ASTN2: variants seen among roughly 807,000 people sequenced by gnomAD.
ASTN2 encodes the protein astrotactin 2.
ASTN2 carries 54 observed loss-of-function variants against 139.8 expected under a neutral mutation model. That is an observed-to-expected ratio of 0.39 (90% CI 0.31 to 0.48). ASTN2 has a LOEUF of 0.48. ASTN2 is among the 20% of genes least tolerant of loss of function. The pLI, the probability that ASTN2 is intolerant of heterozygous loss-of-function variation, is 0.95. For missense variants in ASTN2, 1,565 were observed against 1,725.1 expected, an observed-to-expected ratio of 0.91 and a Z score of 1.64; for synonymous variants, 756 against 719.5, an observed-to-expected ratio of 1.05 and a Z score of -0.81.
At chr9:117,149,644 T>C (rs1438487252) in intron 3 of ASTN2, among the ~76,000 whole-genome samples, 1 of 152,158 alleles carries the variant, frequency 6.6e-6, no homozygotes, top group East Asian at 1.9e-4. Context: ...CCATCCAATT[T>C]GGAAATTGTG....
At chr9:116,679,436 G>C (rs1475934677) in intron 16 of ASTN2, among the ~76,000 whole-genome samples, 1 of 152,004 alleles carries the variant, frequency 6.6e-6, no homozygotes, top group African/African-American at 2.4e-5. Flanking sequence ...TGTTACTGGC[G>C]TATGTTCCGA....
intron 16 of ASTN2, among the ~76,000 whole-genome samples, chr9:116,664,535 G>A (rs1858749991): frequency 1.3e-5 from 2 of 150,850 alleles, no homozygotes; most frequent in South Asian, 4.2e-4. Flanking sequence ...AGAAAACAAG[G>A]TCCAGGGATA....
chr9:116,869,942 AT>A (rs11291817), intron 10 of ASTN2, among the ~76,000 whole-genome samples: 66,209 of 142,356 alleles, frequency 0.47, 15,403 homozygotes, highest in African/African-American at 0.52. Flanking sequence ...CATTTCTATA[AT>A]TTTTTTTTTT....
At chr9:117,047,311 A>C (rs1246141026) in intron 5 of ASTN2, among the ~76,000 whole-genome samples, 8 of 152,182 alleles carry the variant, frequency 5.3e-5, no homozygotes. Flanking sequence ...AATATGGGAC[A>C]TATTTTCCTT....
At chr9:116,599,464 C>T (rs981305276) in intron 19 of ASTN2, among the ~76,000 whole-genome samples, 3 of 152,232 alleles carry the variant, frequency 2.0e-5, no homozygotes, top group Admixed American at 6.5e-5. Context: ...ATGCCCCAGG[C>T]ATCTTACAGA....
chr9:116,765,935 T>G (rs1157490691), intron 13 of ASTN2, among the ~76,000 whole-genome samples: 1 of 152,198 alleles, frequency 6.6e-6, no homozygotes, highest in African/African-American at 2.4e-5. Flanking sequence ...CATATGCTAA[T>G]TTTATTGGGG....
At chr9:117,115,022 C>T (rs1829343207) in intron 4 of ASTN2, among the ~76,000 whole-genome samples, 1 of 152,096 alleles carries the variant, frequency 6.6e-6, no homozygotes, top group African/African-American at 2.4e-5. Flanking sequence ...TATGAGACAC[C>T]CCGAAGCAAG....
At chr9:116,438,531 A>G (rs1319972407) in intron 22 of ASTN2, among the ~76,000 whole-genome samples, 1 of 152,158 alleles carries the variant, frequency 6.6e-6, no homozygotes, top group Non-Finnish European at 1.5e-5. Flanking sequence ...TAGGGTAGGG[A>G]AAGGATTTTA....
intron 3 of ASTN2, among the ~76,000 whole-genome samples, chr9:117,154,080 G>C (rs939070666): frequency 1.3e-5 from 2 of 151,990 alleles, no homozygotes; most frequent in Admixed American, 1.3e-4. Flanking sequence ...GTGCAATAGG[G>C]TGGTTATAAA....
chr9:117,120,014 GTGTGTATATATATATA>G lies in ASTN2; in HGVS notation c.1168+21296_1168+21311del, dbSNP rs1373041065. Among the ~76,000 whole-genome samples, 112 of 35,332 alleles carry G rather than the reference GTGTGTATATATATATA, an allele frequency of 3.2e-3. No homozygotes were observed. In the South Asian group the frequency reaches 0.036, roughly 11 times the overall value. The allele number at this position is 35,332 out of a possible 152,430, so 23.2% of individuals were successfully genotyped here. A position where few individuals can be genotyped will look rare whatever the true frequency, so the allele number is the denominator to read the frequency against. ...TATGTGTGTGTGTGTGTGTGTGTGT[GTGTGTATATATATATA>G]TATATATATATATATATATACCCTG... On this transcript the variant is annotated intron_variant, in intron 4 of 22. Coordinates refer to ENST00000313400, the MANE Select transcript of ASTN2 (RefSeq NM_001365068.1).
chr9:116,478,740 A>G (rs915575540), intron 20 of ASTN2, among the ~76,000 whole-genome samples: 1 of 152,020 alleles, frequency 6.6e-6, no homozygotes, highest in African/African-American at 2.4e-5. Context: ...CACACATGTA[A>G]TCCCAGCACT....
intron 16 of ASTN2, among the ~76,000 whole-genome samples, chr9:116,714,229 C>G (rs1237345061): frequency 6.6e-6 from 1 of 152,142 alleles, no homozygotes; most frequent in Non-Finnish European, 1.5e-5. Context: ...GACATTCTCA[C>G]CTTCTATTCC....
chr9:117,357,011 C>T (rs901412606), intron 1 of ASTN2, among the ~76,000 whole-genome samples: 7 of 152,070 alleles, frequency 4.6e-5, no homozygotes, highest in Non-Finnish European at 1.0e-4. Context: ...TTGCAGTGAG[C>T]CGACATCATG....
At chr9:116,818,054 TA>T (rs56278080) in intron 12 of ASTN2, among the ~76,000 whole-genome samples, 35,420 of 151,310 alleles carry the variant, frequency 0.23, 4,364 homozygotes, top group South Asian at 0.29. Context: ...GTGCTTTTTT[TA>T]AAAAAAAAAA....
At chr9:117,012,114 G>A (rs1242609584) in intron 6 of ASTN2, among the ~76,000 whole-genome samples, 3 of 152,122 alleles carry the variant, frequency 2.0e-5, no homozygotes, top group African/African-American at 7.2e-5. Context: ...TGAAATCAGA[G>A]TTCCATGCTT....
chr9:116,557,877 G>A (rs879112749), intron 19 of ASTN2, among the ~76,000 whole-genome samples: 1 of 152,144 alleles, frequency 6.6e-6, no homozygotes, highest in Non-Finnish European at 1.5e-5. Context: ...GTGGTTCTTG[G>A]GGTTTTCAAC....
At chr9:116,551,549 T>C (rs957338250) in intron 19 of ASTN2, among the ~76,000 whole-genome samples, 1 of 152,190 alleles carries the variant, frequency 6.6e-6, no homozygotes, top group African/African-American at 2.4e-5. Context: ...TTTCCTTTCC[T>C]CTGGAATTGC....
intron 20 of ASTN2, among the ~76,000 whole-genome samples, chr9:116,480,358 G>A (rs1022598387): frequency 3.3e-5 from 5 of 152,194 alleles, no homozygotes; most frequent in African/African-American, 9.7e-5. Flanking sequence ...GTGAGAAAGT[G>A]AGTAGGAAAT....
chr9:116,847,529 T>C (rs955357957), intron 11 of ASTN2, among the ~76,000 whole-genome samples: 53 of 152,236 alleles, frequency 3.5e-4, no homozygotes, highest in Non-Finnish European at 1.3e-4. Context: ...GTGATGATAA[T>C]AAATAGCCTT....
Sources: allele counts gnomAD v4.1 joint callset (sites outside exome capture counted in the v4.1 genomes callset), GRCh38; gene constraint gnomAD v4.1.1; transcripts MANE v1.5; gene names NCBI Gene and HGNC (gene_info 2026-07-23, HGNC 2026-07-21).